The following GTF3C1 variants were observed in gnomAD, a reference collection of about 807,000 sequenced individuals.
GTF3C1 encodes general transcription factor 3C polypeptide 1.
In GTF3C1, 57 loss-of-function variants were observed where a neutral mutation model predicts 226.7. The ratio of observed to expected loss-of-function variants is 0.25; its 90% confidence interval spans 0.20 to 0.31. The LOEUF is 0.31. GTF3C1 is among the 10% of genes least tolerant of loss of function. The pLI is 1.00. For missense variants in GTF3C1, 2,217 were observed against 2,776.1 expected, an observed-to-expected ratio of 0.80 and a Z score of 4.53; for synonymous variants, 1,090 against 1,084.8, an observed-to-expected ratio of 1.00 and a Z score of -0.09.
rs530705476 is a variant in GTF3C1 at position 27,528,721 on chromosome 16, C to T, written c.850G>A (p.Gly284Arg). ...CGCTTAAACGTCCTTTCGCACAGCC[C>T]CTGCCAAAACACAATTTAAAGGCTA... ...ETLGKLREEL[G>R]LCERTFKRLY... Residue 284 changes from glycine (G) to arginine (R), a missense_variant and splice_region_variant, in exon 6 of 37, where the codon GGG becomes AGG. By Grantham distance (125) the Gly-to-Arg change is moderately radical (BLOSUM62 -2). Around this residue, in one of 12 missense-constraint regions of GTF3C1, gnomAD observed 163 missense variants for 234.3 expected, o/e 0.70. Transcript: ENST00000356183. The T allele has an allele frequency of 3.1e-6, 5 of 1,613,520 alleles. 1 individual carries two copies. The East Asian group carries it at 8.9e-5, about 29-fold the overall frequency.
At chr16:27,488,447 G>A (rs745744995) in intron 22 of GTF3C1, 32 bp from the exon 23 acceptor site, 4 of 1,581,434 alleles carry the variant, frequency 2.5e-6, no homozygotes, top group Admixed American at 3.3e-5. Context: ...AACAGTTTCA[G>A]GACGAGTGCT....
At chr16:27,487,476 G>A (rs955472607) in intron 23 of GTF3C1, among the ~76,000 whole-genome samples, 4 of 152,210 alleles carry the variant, frequency 2.6e-5, no homozygotes, top group Admixed American at 2.0e-4. Flanking sequence ...AAAAGGCACC[G>A]CACAAGGGGT....
chr16:27,532,656 C>T (rs2141445766), intron 5 of GTF3C1, among the ~76,000 whole-genome samples: 1 of 152,278 alleles, frequency 6.6e-6, no homozygotes, highest in Admixed American at 6.5e-5. Flanking sequence ...CTCAGGACAG[C>T]CGCTCTGCTA....
intron 12 of GTF3C1, among the ~76,000 whole-genome samples, chr16:27,500,955 A>G (rs191867411): frequency 6.3e-4 from 96 of 152,356 alleles, no homozygotes; most frequent in African/African-American, 2.3e-3. Flanking sequence ...GGCTGACCAC[A>G]GGGCTGGATG....
intron 10 of GTF3C1, among the ~76,000 whole-genome samples, chr16:27,504,456 G>GA (rs2088453504): frequency 6.6e-6 from 1 of 152,158 alleles, no homozygotes. Flanking sequence ...AAAGAGTCTA[G>GA]AAAAAAATCA....
intron 7 of GTF3C1, among the ~76,000 whole-genome samples, chr16:27,510,794 C>G (rs77447649): frequency 0.02 from 3,020 of 152,260 alleles, 65 homozygotes; most frequent in East Asian, 0.1. Context: ...GTTAGGGGAC[C>G]TGGGGGAAGG....
intron 13 of GTF3C1, 119 bp downstream of exon 13, chr16:27,498,511 C>G: frequency 1.4e-6 from 1 of 721,238 alleles, no homozygotes; most frequent in South Asian, 1.5e-5. Context: ...CCATGAACTC[C>G]AAACCAACAA....
At chr16:27,510,133 C>G (rs562762362) in intron 7 of GTF3C1, among the ~76,000 whole-genome samples, 49 of 152,260 alleles carry the variant, frequency 3.2e-4, no homozygotes, top group Non-Finnish European at 5.9e-4. Context: ...CGCCTGTAAT[C>G]CCAGCACTTT....
intron 2 of GTF3C1, 59 bp from the exon 3 acceptor site, chr16:27,538,415 G>T: frequency 1.9e-6 from 2 of 1,063,790 alleles, no homozygotes; most frequent in Non-Finnish European, 2.7e-6. Flanking sequence ...GGAAAACTGA[G>T]ATAAGAAAAA....
In GTF3C1 at chr16:27,538,072, A is replaced by G. The variant is rs895872805; in HGVS notation, c.608+108T>C. Reference sequence around the variant, plus strand: ...CAGTCACTGTGAGACCACGGCCTTGAAACAAAAAGCCATGCCTCAGGGAAG... The same window carrying G: ...CAGTCACTGTGAGACCACGGCCTTGGAACAAAAAGCCATGCCTCAGGGAAG... On this transcript the variant is annotated intron_variant, in intron 3 of 36. Coordinates refer to ENST00000356183, the MANE Select transcript of GTF3C1 (RefSeq NM_001520.4). 2.4e-6 allele frequency: 3 copies of G among 1,264,914 alleles called. No homozygotes were observed. In the African/African-American group the frequency reaches 4.5e-5, roughly 19 times the overall value. 78.4% of individuals were successfully genotyped at this position (1,264,914 alleles called of 1,614,324 possible). A position where few individuals can be genotyped will look rare whatever the true frequency, so the allele number is the denominator to read the frequency against.
chr16:27,485,955 G>T, intron 24 of GTF3C1, 42 bp downstream of exon 24: 1 of 1,449,844 alleles, frequency 6.9e-7, no homozygotes, highest in Non-Finnish European at 9.5e-7. Context: ...AAGGAGCTCC[G>T]AGTGAGGGGC....
intron 5 of GTF3C1, among the ~76,000 whole-genome samples, chr16:27,532,328 G>A (rs1424855244): frequency 6.6e-6 from 1 of 152,102 alleles, no homozygotes; most frequent in East Asian, 1.9e-4. Context: ...ATGCAACGTG[G>A]GGAAAGAACA....
chr16:27,470,919 G>A lies in GTF3C1; in HGVS notation c.4527-524C>T, dbSNP rs1402989894. 6.6e-6 allele frequency among the ~76,000 whole-genome samples: 1 copy of A among 152,216 alleles called. No homozygotes were observed. The highest frequency in any genetic ancestry group is 1.9e-4 in the East Asian group (1 of 5,196). On this transcript the variant is annotated intron_variant, in intron 30 of 36. Transcript: ENST00000356183. The surrounding 1 kb of genome is among the most constrained non-coding windows in gnomAD (Gnocchi z 4.9). ...TCCTTGTCTGTGACCACTGCCCTCG[G>A]TTCAGATGGGGACATGCGGTCAGAG...
intron 2 of GTF3C1, among the ~76,000 whole-genome samples, chr16:27,538,598 T>C (rs986423466): frequency 2.0e-5 from 3 of 152,214 alleles, no homozygotes; most frequent in Non-Finnish European, 4.4e-5. Flanking sequence ...TCCTTGCTGA[T>C]AGCCCTTCAG....
intron 26 of GTF3C1, among the ~76,000 whole-genome samples, 163 bp downstream of exon 26, chr16:27,482,881 A>G (rs571123251): frequency 2.9e-4 from 44 of 152,374 alleles, no homozygotes; most frequent in Admixed American, 2.9e-3. Context: ...GATCAAGTGA[A>G]GGCCAACACC....
chr16:27,488,666 C>A, intron 21 of GTF3C1, 31 bp from the exon 22 acceptor site: 2 of 1,547,772 alleles, frequency 1.3e-6, no homozygotes, highest in Non-Finnish European at 1.8e-6. Flanking sequence ...TGGGATGAAG[C>A]ATGAGCTTCC....
chr16:27,518,910 A>C (rs1794412627), intron 6 of GTF3C1, among the ~76,000 whole-genome samples: 2 of 152,248 alleles, frequency 1.3e-5, no homozygotes, highest in Non-Finnish European at 2.9e-5. Flanking sequence ...AATGCATTCA[A>C]GGGCCCTAGC....
In GTF3C1 at chr16:27,461,347, G is replaced by T. The variant is rs778403534; in HGVS notation, c.*3C>A. On this transcript the variant is annotated 3_prime_UTR_variant, in exon 37 of 37. Transcript: ENST00000356183. The surrounding 1 kb of genome is among the most constrained non-coding windows in gnomAD (Gnocchi z 5.3). ...TGGGAGGGAGGGGACGCCCACAGGGGTCCTAGAGGTGGATCCACTTGTTCC... is the reference window on the plus strand; with the variant it reads ...TGGGAGGGAGGGGACGCCCACAGGGTTCCTAGAGGTGGATCCACTTGTTCC... The T allele has an allele frequency of 6.3e-7, 1 of 1,595,230 alleles. No individual in the cohort carries two copies. The highest frequency in any genetic ancestry group is 1.1e-5 in the South Asian group (1 of 90,326).
Position 27,461,675 on chromosome 16 carries a change from C to G in GTF3C1, c.6118-113G>C. 1.3e-6 allele frequency: 1 copy of G among 766,196 alleles called. No individual in the cohort carries two copies. The allele number at this position is 766,196 out of a possible 1,614,324, so 47.5% of individuals were successfully genotyped here. A position where few individuals can be genotyped will look rare whatever the true frequency, so the allele number is the denominator to read the frequency against. On this transcript the variant is annotated intron_variant, in intron 36 of 36. Coordinates refer to ENST00000356183, the MANE Select transcript of GTF3C1 (RefSeq NM_001520.4). This position sits in a 1 kb window ranked among gnomAD's most constrained non-coding sequence, Gnocchi z 5.3. Reference sequence around the variant, plus strand: ...TGTACCAGGGAGCCACTTCCCAGAGCAGGGGGCACCTGAACTGGGCATGAG... The same window carrying G: ...TGTACCAGGGAGCCACTTCCCAGAGGAGGGGGCACCTGAACTGGGCATGAG...
Sources: allele counts gnomAD v4.1 joint callset (sites outside exome capture counted in the v4.1 genomes callset), GRCh38; gene constraint gnomAD v4.1.1; regional missense constraint gnomAD v4.1.1; non-coding constraint Gnocchi (gnomAD v3.1); transcripts MANE v1.5; gene names NCBI Gene and HGNC (gene_info 2026-07-23, HGNC 2026-07-21).